CAMSAP2: variants seen among roughly 807,000 people sequenced by gnomAD.
CAMSAP2 encodes the protein calmodulin regulated spectrin associated protein family member 2, also known as calmodulin-regulated spectrin-associated protein 2.
CAMSAP2 carries 26 observed loss-of-function variants against 146.1 expected under a neutral mutation model. That is an observed-to-expected ratio of 0.18 (90% confidence interval 0.13 to 0.25). The LOEUF is 0.25. CAMSAP2 is among the 10% of genes least tolerant of loss of function. CAMSAP2 has a pLI of 1.00. For missense variants in CAMSAP2, 1,381 were observed against 1,759.3 expected (o/e 0.78, Z 3.85); for synonymous variants, 499 against 596.6 (o/e 0.84, Z 2.38).
In CAMSAP2 at chr1:200,753,938, C is replaced by T. The variant is rs370704646; in HGVS notation, c.140-6901C>T. On this transcript the variant is annotated intron_variant, in intron 1 of 16. Transcript: ENST00000358823. ...CTGAGAGGTACCCAGAGACAAATCACGTGGCAGCCAGGCAGCCCCAGAGCA... is the reference window on the plus strand; with the variant it reads ...CTGAGAGGTACCCAGAGACAAATCATGTGGCAGCCAGGCAGCCCCAGAGCA... 1.9e-3 allele frequency among the ~76,000 whole-genome samples: 290 copies of T among 152,304 alleles called. 2 individuals carry two copies. The highest frequency in any genetic ancestry group is 6.1e-3 in the African/African-American group (255 of 41,556).
intron 8 of CAMSAP2, among the ~76,000 whole-genome samples, chr1:200,846,633 G>T (rs1229994719): frequency 6.6e-6 from 1 of 152,172 alleles, no homozygotes; most frequent in Non-Finnish European, 1.5e-5. Flanking sequence ...TTTTGAGAAA[G>T]AATTGAAGTA....
rs75377566 is a variant in CAMSAP2 at position 200,771,392 on chromosome 1, A to G, written c.399+10294A>G. ...GAACACATGTGAAATGAAAAATACCATATTCATTATAATGTTTAATATAAT... is the reference window on the plus strand; with the variant it reads ...GAACACATGTGAAATGAAAAATACCGTATTCATTATAATGTTTAATATAAT... On this transcript the variant is annotated intron_variant, in intron 2 of 16. Transcript: ENST00000358823. Among the ~76,000 whole-genome samples, 97 of 152,314 alleles carry G rather than the reference A, an allele frequency of 6.4e-4. 1 individual carries two copies. Among genetic ancestry groups the G allele is most frequent in the Middle Eastern group, 6.8e-3 (2 of 294 alleles).
At chr1:200,835,184 G>A (rs1356206590) in intron 6 of CAMSAP2, among the ~76,000 whole-genome samples, 2 of 152,150 alleles carry the variant, frequency 1.3e-5, no homozygotes, top group African/African-American at 4.8e-5. Flanking sequence ...GTTACCAAGT[G>A]TCACATGTGC....
chr1:200,750,233 G>C (rs1664459458), intron 1 of CAMSAP2, among the ~76,000 whole-genome samples: 1 of 152,172 alleles, frequency 6.6e-6, no homozygotes, highest in Admixed American at 6.5e-5. Context: ...GAGATTGTGA[G>C]AAGGGGGAAG....
chr1:200,771,169 A>C (rs938077408), intron 2 of CAMSAP2, among the ~76,000 whole-genome samples: 2 of 152,166 alleles, frequency 1.3e-5, no homozygotes, highest in African/African-American at 4.8e-5. Flanking sequence ...TAGAAGGGAG[A>C]AAAGGGGATT....
chr1:200,845,213 T>C (rs1667428263), intron 8 of CAMSAP2, among the ~76,000 whole-genome samples: 1 of 151,492 alleles, frequency 6.6e-6, no homozygotes, highest in South Asian at 2.1e-4. Flanking sequence ...ATTAGGACTT[T>C]TACATATTTT....
At position 200,853,598 on chromosome 1, in the gene CAMSAP2, G is replaced by A. The variant is rs1667679422; in HGVS notation, c.3823+103G>A. On this transcript the variant is annotated intron_variant, in intron 13 of 16. Transcript: ENST00000358823. This position sits in a 1 kb window ranked among gnomAD's most constrained non-coding sequence, Gnocchi z 5.1. ...TTTGATGTGCAAAATTGGATACACA[G>A]TTTGAGATTGTGCATGCTCCCTTTT... 1.2e-6 allele frequency: 1 copy of A among 851,804 alleles called. No homozygotes were observed. The highest frequency in any genetic ancestry group is 1.8e-6 in the Non-Finnish European group (1 of 542,506). The allele number at this position is 851,804 out of a possible 1,614,324, so 52.8% of individuals were successfully genotyped here.
chr1:200,845,727 G>A (rs1203294464), intron 8 of CAMSAP2, among the ~76,000 whole-genome samples: 2 of 152,126 alleles, frequency 1.3e-5, no homozygotes, highest in African/African-American at 4.8e-5. Context: ...AAATTTCAAG[G>A]TGCAACAGTT....
At chr1:200,844,248 T>C (rs990665588) in intron 7 of CAMSAP2, among the ~76,000 whole-genome samples, 4 of 152,108 alleles carry the variant, frequency 2.6e-5, no homozygotes, top group Non-Finnish European at 5.9e-5. Flanking sequence ...CAGATGAATT[T>C]TTTAATTTAA....
At chr1:200,838,782 C>A (rs758704352) in intron 6 of CAMSAP2, among the ~76,000 whole-genome samples, 80 of 152,136 alleles carry the variant, frequency 5.3e-4, no homozygotes, top group Non-Finnish European at 8.5e-4. Flanking sequence ...AAAGAAAAAG[C>A]TATTGTGTTC....
At chr1:200,814,286 G>T (rs1350269626) in intron 3 of CAMSAP2, among the ~76,000 whole-genome samples, 2 of 151,952 alleles carry the variant, frequency 1.3e-5, no homozygotes, top group Admixed American at 6.5e-5. Flanking sequence ...TTATAAAACT[G>T]CTTTGTAACA....
intron 1 of CAMSAP2, among the ~76,000 whole-genome samples, chr1:200,749,295 C>G (rs138197007): frequency 6.4e-4 from 97 of 152,298 alleles, no homozygotes; most frequent in Middle Eastern, 3.4e-3. Flanking sequence ...ACAAGGAAGC[C>G]TGCCACAGCT....
At position 200,859,003 on chromosome 1, in the gene CAMSAP2, A is replaced by G. The variant is rs1308878896; in HGVS notation, c.*944A>G. ...CAAGAAGTCTTTACATTATATTTAT[A>G]ACTCATATAAAAATTATATTTAGAA... On this transcript the variant is annotated 3_prime_UTR_variant, in exon 17 of 17. Coordinates refer to ENST00000358823, the MANE Select transcript of CAMSAP2 (RefSeq NM_203459.4). 6.6e-6 allele frequency: 1 copy of G among 152,496 alleles called. No homozygotes were observed. Among genetic ancestry groups the G allele is most frequent in the Non-Finnish European group, 1.5e-5 (1 of 67,918 alleles). 9.4% of individuals were successfully genotyped at this position (152,496 alleles called of 1,614,324 possible).
At chr1:200,814,025 T>C (rs72746858) in intron 3 of CAMSAP2, among the ~76,000 whole-genome samples, 18,623 of 149,622 alleles carry the variant, frequency 0.12, 1,188 homozygotes, top group East Asian at 0.17. Context: ...GGAGGATTGC[T>C]TGAGCCCAGG....
chr1:200,775,589 G>A (rs564520903), intron 2 of CAMSAP2, among the ~76,000 whole-genome samples: 1 of 152,254 alleles, frequency 6.6e-6, no homozygotes, highest in South Asian at 2.1e-4. Context: ...GAGTGCAGTG[G>A]CGCAATCTCA....
intron 1 of CAMSAP2, among the ~76,000 whole-genome samples, chr1:200,740,336 T>C (rs1229826054): frequency 6.6e-6 from 1 of 152,132 alleles, no homozygotes; most frequent in Non-Finnish European, 1.5e-5. Context: ...CCAAGAAATC[T>C]GAGTTGGTTT....
intron 2 of CAMSAP2, among the ~76,000 whole-genome samples, chr1:200,791,241 T>C (rs549079521): frequency 6.6e-6 from 1 of 152,246 alleles, no homozygotes; most frequent in African/African-American, 2.4e-5. Flanking sequence ...GTTATTCTTA[T>C]CAGATTTCCT....
At chr1:200,837,341 T>C (rs959227247) in intron 6 of CAMSAP2, among the ~76,000 whole-genome samples, 12 of 152,188 alleles carry the variant, frequency 7.9e-5, no homozygotes, top group African/African-American at 1.4e-4. Context: ...ATTTGTTGAA[T>C]AGGGAGTCCT....
At chr1:200,825,529 CAG>C (rs1666883196) in intron 4 of CAMSAP2, among the ~76,000 whole-genome samples, 1 of 144,282 alleles carries the variant, frequency 6.9e-6, no homozygotes, top group Non-Finnish European at 1.5e-5. Flanking sequence ...TTTTTTGAGA[CAG>C]AGTCTTGCTC....
Sources: allele counts gnomAD v4.1 joint callset (sites outside exome capture counted in the v4.1 genomes callset), GRCh38; gene constraint gnomAD v4.1.1; non-coding constraint Gnocchi (gnomAD v3.1); transcripts MANE v1.5; gene names NCBI Gene and HGNC (gene_info 2026-07-23, HGNC 2026-07-21).